The following RNGTT variants were observed in gnomAD, a reference collection of about 807,000 sequenced individuals.
RNGTT encodes RNA guanylyltransferase and 5'-phosphatase.
RNGTT carries 33 observed loss-of-function variants against 79.3 expected under a neutral mutation model. That is an observed-to-expected ratio of 0.42 (90% CI 0.32 to 0.56). The LOEUF (loss-of-function observed/expected upper bound fraction) is 0.56, where lower values mean the gene tolerates loss of function less well. Ranked by LOEUF, RNGTT falls within the 20% of genes least tolerant of loss-of-function variation. The probability of loss-of-function intolerance (pLI) is 0.17; values close to 1 mark genes in which losing one functional copy is unlikely to be tolerated. For synonymous variants in RNGTT, 222 were observed against 235.9 expected (o/e 0.94, Z 0.54); for missense variants, 497 against 739.1 (o/e 0.67, Z 3.80).
chr6:88,809,415 G>A (rs999024870), intron 11 of RNGTT, among the ~76,000 whole-genome samples: 6 of 152,062 alleles, frequency 3.9e-5, no homozygotes, highest in Non-Finnish European at 7.4e-5. Context: ...ATATGGAAGC[G>A]TAGATCACTA....
At chr6:88,910,515 C>G (rs1488117374) in intron 4 of RNGTT, among the ~76,000 whole-genome samples, 1 of 152,130 alleles carries the variant, frequency 6.6e-6, no homozygotes, top group South Asian at 2.1e-4. Context: ...AGTGACCAAA[C>G]CTACAACCCA....
intron 8 of RNGTT, among the ~76,000 whole-genome samples, chr6:88,887,633 T>TA (rs767566183): frequency 1.3e-5 from 2 of 152,162 alleles, no homozygotes; most frequent in African/African-American, 2.4e-5. Context: ...AATTACTTCA[T>TA]AAAAAATTAC....
Position 88,692,543 on chromosome 6 carries a change from T to G in RNGTT, c.1440-14124A>C, listed in dbSNP as rs572692910. 1.6e-4 allele frequency among the ~76,000 whole-genome samples: 24 copies of G among 151,942 alleles called. No homozygotes were observed. The South Asian group carries it at 5.0e-3, about 32-fold the overall frequency. On this transcript the variant is annotated intron_variant, in intron 13 of 15. Coordinates refer to ENST00000369485, the MANE Select transcript of RNGTT (RefSeq NM_003800.5). ...ACACACTACCTCAATAAAACACATA[T>G]TGTATGTTTCCACTGATATAAATTT... is the stretch of plus-strand genomic sequence containing the variant.
intron 8 of RNGTT, among the ~76,000 whole-genome samples, chr6:88,857,757 C>T (rs1209053002): frequency 6.6e-6 from 1 of 151,974 alleles, no homozygotes; most frequent in Non-Finnish European, 1.5e-5. Context: ...GTATGTATAT[C>T]GTAAATATAG....
At chr6:88,802,307 AG>A (rs199531657) in intron 11 of RNGTT, among the ~76,000 whole-genome samples, 2,137 of 152,290 alleles carry the variant, frequency 0.014, 45 homozygotes, top group African/African-American at 0.048. Context: ...TTCCAAGCAG[AG>A]AATTTCATTG....
chr6:88,875,780 G>A (rs751235127), intron 8 of RNGTT, among the ~76,000 whole-genome samples: 2 of 152,060 alleles, frequency 1.3e-5, no homozygotes, highest in African/African-American at 2.4e-5. Context: ...ATGAACTTGT[G>A]CAACCACACT....
intron 12 of RNGTT, among the ~76,000 whole-genome samples, chr6:88,792,612 T>A (rs912763198): frequency 2.5e-4 from 38 of 152,308 alleles, no homozygotes; most frequent in South Asian, 8.3e-4. Flanking sequence ...TCCATTTTTT[T>A]AAAGAGGTAG....
At chr6:88,793,866 T>C (rs1301995914) in intron 12 of RNGTT, among the ~76,000 whole-genome samples, 1 of 152,220 alleles carries the variant, frequency 6.6e-6, no homozygotes, top group African/African-American at 2.4e-5. Context: ...AGTCATACTA[T>C]CAAACTTCAT....
intron 11 of RNGTT, among the ~76,000 whole-genome samples, chr6:88,822,140 C>G (rs1780515119): frequency 6.6e-6 from 1 of 151,968 alleles, no homozygotes; most frequent in Admixed American, 6.6e-5. Context: ...CTTAGAAAAT[C>G]CATATTTTTT....
chr6:88,694,332 G>A (rs1158009461), intron 13 of RNGTT, among the ~76,000 whole-genome samples: 1 of 151,880 alleles, frequency 6.6e-6, no homozygotes, highest in Middle Eastern at 3.2e-3. Context: ...ATCCAAAAAT[G>A]AAATCAACAA....
At chr6:88,764,104 T>C (rs1326113429) in intron 13 of RNGTT, among the ~76,000 whole-genome samples, 2 of 152,168 alleles carry the variant, frequency 1.3e-5, no homozygotes, top group Non-Finnish European at 2.9e-5. Context: ...CTATAAGGCC[T>C]CCTCCAATCT....
At chr6:88,616,724 A>G (rs1240191579) in intron 14 of RNGTT, among the ~76,000 whole-genome samples, 1 of 151,944 alleles carries the variant, frequency 6.6e-6, no homozygotes, top group African/African-American at 2.4e-5. Flanking sequence ...AACTTTGTCA[A>G]TTTTTTTAAT....
chr6:88,799,442 T>C (rs569013619), intron 12 of RNGTT, among the ~76,000 whole-genome samples: 1 of 152,214 alleles, frequency 6.6e-6, no homozygotes, highest in African/African-American at 2.4e-5. Flanking sequence ...CTCACACCTG[T>C]AATCCCAGCA....
At chr6:88,939,607 C>T (rs1386627403) in intron 2 of RNGTT, among the ~76,000 whole-genome samples, 1 of 151,978 alleles carries the variant, frequency 6.6e-6, no homozygotes, top group Admixed American at 6.6e-5. Flanking sequence ...TATCTGTCCA[C>T]CATTTCATGA....
intron 8 of RNGTT, among the ~76,000 whole-genome samples, chr6:88,876,347 G>A (rs1195614049): frequency 3.9e-5 from 6 of 152,156 alleles, no homozygotes; most frequent in African/African-American, 1.4e-4. Context: ...TGGACAACAC[G>A]GGGAAACCCT....
At chr6:88,909,599 C>T (rs533402443) in intron 4 of RNGTT, among the ~76,000 whole-genome samples, 81 of 152,236 alleles carry the variant, frequency 5.3e-4, no homozygotes, top group Non-Finnish European at 1.0e-3. Context: ...GCAAAGGAAA[C>T]GTGAGACAGT....
At chr6:88,775,632 A>G (rs1389220791) in intron 12 of RNGTT, among the ~76,000 whole-genome samples, 1 of 152,192 alleles carries the variant, frequency 6.6e-6, no homozygotes, top group East Asian at 1.9e-4. Context: ...TTAGTTTATC[A>G]CCTATAATCA....
intron 11 of RNGTT, among the ~76,000 whole-genome samples, chr6:88,835,973 AAAACACACACACACACAC>A (rs1276257156): frequency 4.2e-5 from 4 of 94,492 alleles, no homozygotes; most frequent in African/African-American, 1.7e-4. Flanking sequence ...GTCTCTATTA[AAAACACACACACACACAC>A]ACACACACAC....
chr6:88,933,116 A>C (rs1784559353), intron 2 of RNGTT, among the ~76,000 whole-genome samples: 1 of 152,184 alleles, frequency 6.6e-6, no homozygotes, highest in Non-Finnish European at 1.5e-5. Flanking sequence ...AAGAGAAACA[A>C]TCTGCACTTT....
Sources: allele counts gnomAD v4.1 joint callset (sites outside exome capture counted in the v4.1 genomes callset), GRCh38; gene constraint gnomAD v4.1.1; transcripts MANE v1.5; gene names NCBI Gene and HGNC (gene_info 2026-07-23, HGNC 2026-07-21).